RBFOX1: variants seen among roughly 807,000 people sequenced by gnomAD.
The protein encoded by RBFOX1 is RNA binding protein fox-1 homolog 1.
Under a neutral mutation model 57.7 loss-of-function variants are expected in RBFOX1, and 8 were observed. That is an observed-to-expected ratio of 0.14 (90% CI 0.08 to 0.25). RBFOX1 has a LOEUF of 0.25. Ranked by LOEUF, RBFOX1 falls within the 10% of genes least tolerant of loss-of-function variation. The pLI is 1.00. For synonymous variants in RBFOX1, 326 were observed against 222.4 expected (o/e 1.47, Z -4.15); for missense variants, 611 against 548.5 (o/e 1.11, Z -1.14).
chr16:5,244,863 T>C (rs2062258195), intron 1 of RBFOX1, among the ~76,000 whole-genome samples: 1 of 152,214 alleles, frequency 6.6e-6, no homozygotes, highest in Non-Finnish European at 1.5e-5. Flanking sequence ...CACTGGACAT[T>C]TCAAGCCCCT....
chr16:7,212,114 C>T (rs909937524), intron 4 of RBFOX1, among the ~76,000 whole-genome samples: 1 of 152,082 alleles, frequency 6.6e-6, no homozygotes, highest in Non-Finnish European at 1.5e-5. Flanking sequence ...GAGAATCATG[C>T]ATGGAAGGAA....
intron 4 of RBFOX1, among the ~76,000 whole-genome samples, chr16:5,955,346 TAAAATAAATAAAAATAAAA>T (rs1567187772): frequency 0.043 from 1,189 of 27,342 alleles, 105 homozygotes; most frequent in South Asian, 0.068. Context: ...TAAAATAAAA[TAAAATAAATAAAAATAAAA>T]TAAAATAAAA....
chr16:7,506,242 A>G (rs925142238), intron 4 of RBFOX1, among the ~76,000 whole-genome samples: 11 of 151,206 alleles, frequency 7.3e-5, no homozygotes. Flanking sequence ...CATAGTTACC[A>G]GAACAAAAGT....
intron 2 of RBFOX1, among the ~76,000 whole-genome samples, chr16:6,602,994 C>T (rs747550332): frequency 6.6e-6 from 1 of 152,176 alleles, no homozygotes; most frequent in East Asian, 1.9e-4. Flanking sequence ...CATCAGTGCA[C>T]CCAAGGAAAA....
chr16:5,370,569 C>T (rs187240099), intron 1 of RBFOX1, among the ~76,000 whole-genome samples: 76 of 151,914 alleles, frequency 5.0e-4, no homozygotes, highest in Middle Eastern at 3.4e-3. Flanking sequence ...CTCAGCTCAG[C>T]GTAGCCTCTA....
At chr16:6,781,109 A>G (rs28841574) in intron 3 of RBFOX1, among the ~76,000 whole-genome samples, 111,115 of 151,996 alleles carry the variant, frequency 0.73, 41,558 homozygotes, top group East Asian at 0.92. Flanking sequence ...TTTTCTTGTA[A>G]TAGCTTCATT....
At chr16:5,247,976 G>A (rs114465976) in intron 1 of RBFOX1, among the ~76,000 whole-genome samples, 110 of 152,308 alleles carry the variant, frequency 7.2e-4, no homozygotes, top group African/African-American at 2.5e-3. Context: ...GGGCTAGGGT[G>A]CTTTTCGATT....
rs142974779 is a variant in RBFOX1 at position 6,160,213 on chromosome 16, T to C, written c.-127+140221T>C. ...AACAATTGTAATAGGAGTGCCATTT[T>C]AGGGAGGAAGTAGGAGGTCTGATTT... On this transcript the variant is annotated intron_variant, in intron 1 of 15. Coordinates refer to ENST00000550418, the MANE Select transcript of RBFOX1 (RefSeq NM_018723.4). 1.6e-4 allele frequency among the ~76,000 whole-genome samples: 24 copies of C among 152,308 alleles called. No individual in the cohort carries two copies. In the East Asian group the frequency reaches 4.2e-3, roughly 27 times the overall value.
intron 1 of RBFOX1, among the ~76,000 whole-genome samples, chr16:5,434,041 G>A (rs1247711528): frequency 1.3e-5 from 2 of 152,098 alleles, no homozygotes; most frequent in South Asian, 2.1e-4. Flanking sequence ...GTAGGGGCGG[G>A]GAGAAGGGGG....
chr16:7,517,755 T>A (rs1446015978), intron 4 of RBFOX1, among the ~76,000 whole-genome samples: 1 of 151,722 alleles, frequency 6.6e-6, no homozygotes, highest in Non-Finnish European at 1.5e-5. Flanking sequence ...AAATCAAGGT[T>A]CTGCTGTCAC....
intron 1 of RBFOX1, among the ~76,000 whole-genome samples, chr16:5,456,254 G>T (rs368562043): frequency 1.3e-5 from 2 of 151,970 alleles, no homozygotes; most frequent in African/African-American, 4.8e-5. Context: ...TGATATGAAC[G>T]TGCTATACTT....
At chr16:7,453,111 A>G (rs1471455080) in intron 4 of RBFOX1, among the ~76,000 whole-genome samples, 1 of 145,960 alleles carries the variant, frequency 6.9e-6, no homozygotes, top group Admixed American at 7.0e-5. Context: ...GCTGGATGAC[A>G]GAGAGAGGCT....
intron 4 of RBFOX1, among the ~76,000 whole-genome samples, chr16:7,444,344 T>G (rs2098792530): frequency 6.6e-6 from 1 of 152,100 alleles, no homozygotes; most frequent in South Asian, 2.1e-4. Context: ...GATATACCTA[T>G]TCAGAAGTTA....
intron 3 of RBFOX1, among the ~76,000 whole-genome samples, chr16:6,973,933 C>A (rs1298163928): frequency 1.3e-5 from 2 of 152,158 alleles, no homozygotes; most frequent in Non-Finnish European, 2.9e-5. Flanking sequence ...CTCGTCCCCT[C>A]CATCTCCCAG....
intron 4 of RBFOX1, among the ~76,000 whole-genome samples, chr16:5,906,641 T>G (rs2058463308): frequency 6.6e-6 from 1 of 151,706 alleles, no homozygotes; most frequent in Non-Finnish European, 1.5e-5. Flanking sequence ...TCGGGACATG[T>G]GTACTCTAAC....
chr16:6,875,348 C>A (rs1014553224), intron 3 of RBFOX1, among the ~76,000 whole-genome samples: 3 of 152,082 alleles, frequency 2.0e-5, no homozygotes, highest in East Asian at 3.9e-4. Context: ...GTCCTTTATA[C>A]ACAGCTTTGA....
intron 8 of RBFOX1, among the ~76,000 whole-genome samples, chr16:7,596,600 C>A (rs916810268): frequency 6.6e-6 from 1 of 151,602 alleles, no homozygotes; most frequent in Non-Finnish European, 1.5e-5. Flanking sequence ...ATATATATAC[C>A]ACGTGAATTT....
chr16:5,333,513 C>A (rs1004982860), intron 1 of RBFOX1, among the ~76,000 whole-genome samples: 1 of 152,244 alleles, frequency 6.6e-6, no homozygotes, highest in East Asian at 1.9e-4. Flanking sequence ...CACAGTTGGC[C>A]CCTTCTCTCC....
chr16:5,892,580 G>A (rs1375627564), intron 4 of RBFOX1, among the ~76,000 whole-genome samples: 1 of 152,162 alleles, frequency 6.6e-6, no homozygotes, highest in Non-Finnish European at 1.5e-5. Flanking sequence ...TAAGCAGAGA[G>A]GCAATAACCA....
Sources: gnomAD v4.1 joint callset for allele counts (sites outside exome capture counted in the v4.1 genomes callset) on GRCh38, gnomAD v4.1.1 for gene constraint, MANE v1.5 for transcripts, NCBI Gene and HGNC (gene_info 2026-07-23, HGNC 2026-07-21) for gene names.